The following PDE10A variants were observed in gnomAD, a reference collection of about 807,000 sequenced individuals.
PDE10A encodes phosphodiesterase 10A.
In PDE10A, 39 loss-of-function variants were observed where a neutral mutation model predicts 97.7. That is an observed-to-expected ratio of 0.40 (90% CI 0.31 to 0.52). PDE10A has a LOEUF of 0.52. Ranked by LOEUF, PDE10A falls within the 20% of genes least tolerant of loss-of-function variation. The probability of loss-of-function intolerance (pLI) is 0.56; values close to 1 mark genes in which losing one functional copy is unlikely to be tolerated. For synonymous variants in PDE10A, 371 were observed against 376.8 expected, an observed-to-expected ratio of 0.98 and a Z score of 0.18; for missense variants, 731 against 1,047.8, an observed-to-expected ratio of 0.70 and a Z score of 4.17.
chr6:165,684,584 G>T (rs1183507813), intron 1 of PDE10A, among the ~76,000 whole-genome samples: 1 of 152,162 alleles, frequency 6.6e-6, no homozygotes, highest in Admixed American at 6.5e-5. Context: ...GTCACCACAC[G>T]GTGGCCGAGG....
chr6:165,527,758 G>GA lies in PDE10A; in HGVS notation c.994+15681dup, dbSNP rs527599557. Among the ~76,000 whole-genome samples, 7 of 152,306 alleles carry GA rather than the reference G, an allele frequency of 4.6e-5. No homozygotes were observed. The South Asian group carries it at 1.5e-3, about 32-fold the overall frequency. ...TGAAGGCACAAGTAAGTTACATGAGGAAGTGGCTAAAATGTCCATGATCTC... is the reference window on the plus strand; with the variant it reads ...TGAAGGCACAAGTAAGTTACATGAGGAAAGTGGCTAAAATGTCCATGATCTC... On this transcript the variant is annotated intron_variant, in intron 2 of 21. Coordinates refer to ENST00000539869, the MANE Select transcript of PDE10A (RefSeq NM_001385079.1).
intron 1 of PDE10A, among the ~76,000 whole-genome samples, chr6:165,548,483 A>G (rs1783850107): frequency 6.6e-6 from 1 of 152,006 alleles, no homozygotes; most frequent in African/African-American, 2.4e-5. Context: ...GTTTACTTCA[A>G]TCTGGATTTT....
chr6:165,824,824 A>G (rs1462703418), intron 1 of PDE10A, among the ~76,000 whole-genome samples: 1 of 152,034 alleles, frequency 6.6e-6, no homozygotes, highest in Admixed American at 6.6e-5. Flanking sequence ...ACACTGTTGC[A>G]TTGTATTTGA....
At chr6:165,470,002 G>A (rs1778894609) in intron 3 of PDE10A, among the ~76,000 whole-genome samples, 1 of 152,186 alleles carries the variant, frequency 6.6e-6, no homozygotes, top group South Asian at 2.1e-4. Context: ...TAGCCCTGTG[G>A]TTTTCAGCTG....
chr6:165,441,809 T>C (rs1228851119), intron 5 of PDE10A, among the ~76,000 whole-genome samples: 4 of 152,212 alleles, frequency 2.6e-5, no homozygotes, highest in Admixed American at 2.6e-4. Context: ...GATGAATCAA[T>C]GCCCTACTGG....
intron 2 of PDE10A, among the ~76,000 whole-genome samples, chr6:165,507,321 A>C (rs2128298852): frequency 6.6e-6 from 1 of 152,232 alleles, no homozygotes; most frequent in African/African-American, 2.4e-5. Context: ...ACAGTAGCCC[A>C]GTACAAGGAG....
In PDE10A at chr6:165,331,119, T is replaced by C. The variant is rs182657933; in HGVS notation, c.*1906A>G. ...TCCTTCTGTCTCTCGTGTGTGTGTA[T>C]GTGTATGTATCATATATACACATAT... is the stretch of plus-strand genomic sequence containing the variant. On this transcript the variant is annotated 3_prime_UTR_variant, in exon 22 of 22. Coordinates refer to ENST00000539869, the MANE Select transcript of PDE10A (RefSeq NM_001385079.1). The C allele has an allele frequency of 4.6e-5, 7 of 152,298 alleles. No homozygotes were observed. The highest frequency in any genetic ancestry group is 1.7e-4 in the African/African-American group (7 of 41,580). 9.4% of individuals were successfully genotyped at this position (152,298 alleles called of 1,614,324 possible).
rs151106014 is a variant in PDE10A at position 165,963,795 on chromosome 6, G to T, written c.-615+23734C>A. ...TGGCACGTCCTCCTTGACCACTCAG[G>T]CTGTGCTGTGCCTCCTCCTCTGAGC... On this transcript the variant is annotated intron_variant, in intron 1 of 19. Coordinates refer to the PDE10A transcript ENST00000366882. 1.5e-3 allele frequency among the ~76,000 whole-genome samples: 223 copies of T among 152,248 alleles called. 2 individuals are homozygous for T. In the Middle Eastern group the frequency reaches 0.031, roughly 21 times the overall value.
At chr6:165,333,359 C>T (rs1781452815) in intron 21 of PDE10A, among the ~76,000 whole-genome samples, 2 of 152,088 alleles carry the variant, frequency 1.3e-5, no homozygotes, top group Admixed American at 6.5e-5. Flanking sequence ...CGCTCTGGAC[C>T]GCGAAAGCAG....
At chr6:165,931,989 C>T (rs868757102) in intron 1 of PDE10A, among the ~76,000 whole-genome samples, 6 of 152,196 alleles carry the variant, frequency 3.9e-5, no homozygotes, top group African/African-American at 7.2e-5. Flanking sequence ...AGTCCCCTCA[C>T]GAGGCAGGTG....
chr6:165,375,283 A>T lies in PDE10A; in HGVS notation c.2783+3911T>A, dbSNP rs532645808. ...CCAAACAGCCAAGTTGTGAATGGAA[A>T]GAAAAAATTCTTCAAGGAAATTAAA... On this transcript the variant is annotated intron_variant, in intron 18 of 21. Coordinates refer to ENST00000539869, the MANE Select transcript of PDE10A (RefSeq NM_001385079.1). 2.0e-3 allele frequency among the ~76,000 whole-genome samples: 302 copies of T among 152,358 alleles called. 2 individuals carry two copies. Among genetic ancestry groups the T allele is most frequent in the African/African-American group, 6.5e-3 (270 of 41,580 alleles).
chr6:165,476,802 G>A (rs1037258609), intron 3 of PDE10A, among the ~76,000 whole-genome samples: 1 of 152,082 alleles, frequency 6.6e-6, no homozygotes, highest in Non-Finnish European at 1.5e-5. Flanking sequence ...ATTTCTCCTT[G>A]AAAACATTAA....
chr6:165,697,732 T>C (rs191074045), intron 1 of PDE10A, among the ~76,000 whole-genome samples: 3 of 152,272 alleles, frequency 2.0e-5, no homozygotes, highest in East Asian at 1.9e-4. Flanking sequence ...TGGAAGTACT[T>C]AATGGGTGAG....
chr6:165,798,008 T>C (rs1778875295), intron 1 of PDE10A, among the ~76,000 whole-genome samples: 1 of 152,214 alleles, frequency 6.6e-6, no homozygotes, highest in Non-Finnish European at 1.5e-5. Flanking sequence ...GTTTATAAAG[T>C]TAGTAATTTT....
chr6:165,467,401 A>G (rs988512192), intron 3 of PDE10A, among the ~76,000 whole-genome samples: 1 of 152,222 alleles, frequency 6.6e-6, no homozygotes, highest in Non-Finnish European at 1.5e-5. Flanking sequence ...TCTGGCTTCA[A>G]AGTTTCAAAG....
At chr6:165,957,005 C>A (rs1784153456) in intron 1 of PDE10A, among the ~76,000 whole-genome samples, 1 of 152,152 alleles carries the variant, frequency 6.6e-6, no homozygotes, top group Non-Finnish European at 1.5e-5. Flanking sequence ...GAACACACCA[C>A]ACAGCTGCTG....
chr6:165,907,265 GAGATTC>G (rs1754898350), intron 1 of PDE10A, among the ~76,000 whole-genome samples: 1 of 152,222 alleles, frequency 6.6e-6, no homozygotes, highest in African/African-American at 2.4e-5. Context: ...GTCCTGGTGG[GAGATTC>G]AGGATCCGGG....
chr6:165,339,251 A>C (rs768097889), intron 20 of PDE10A, 27 bp downstream of exon 20: 12 of 1,354,438 alleles, frequency 8.9e-6, no homozygotes, highest in Non-Finnish European at 1.3e-5. Flanking sequence ...GGCTTTAGCA[A>C]TTACAATTTA....
intron 1 of PDE10A, among the ~76,000 whole-genome samples, chr6:165,779,138 A>G (rs1778276173): frequency 6.6e-6 from 1 of 152,200 alleles, no homozygotes; most frequent in Non-Finnish European, 1.5e-5. Flanking sequence ...GTTTTAATAT[A>G]TTGCCTTCCA....
Sources: gnomAD v4.1 joint callset for allele counts (sites outside exome capture counted in the v4.1 genomes callset) on GRCh38, gnomAD v4.1.1 for gene constraint, MANE v1.5 for transcripts, NCBI Gene and HGNC (gene_info 2026-07-23, HGNC 2026-07-21) for gene names.